Variants in GARNL3 observed in about 807,000 individuals in gnomAD.
GARNL3 encodes the protein GTPase activating Rap/RanGAP domain like 3.
Under a neutral mutation model 125.0 loss-of-function variants are expected in GARNL3, and 63 were observed. The ratio of observed to expected loss-of-function variants is 0.50; its 90% CI spans 0.41 to 0.62. GARNL3 has a LOEUF of 0.62. GARNL3 is among the 20% of genes least tolerant of loss of function. The pLI is 0.00. For synonymous variants in GARNL3, 439 were observed against 457.5 expected, an observed-to-expected ratio of 0.96 and a Z score of 0.52; for missense variants, 994 against 1,244.0, an observed-to-expected ratio of 0.80 and a Z score of 3.02.
At chr9:127,305,368 C>G (rs551748213) in intron 2 of GARNL3, among the ~76,000 whole-genome samples, 1 of 152,066 alleles carries the variant, frequency 6.6e-6, no homozygotes, top group East Asian at 1.9e-4. Context: ...TTTTTTGTTG[C>G]CTAGTCTCCA....
intron 1 of GARNL3, among the ~76,000 whole-genome samples, chr9:127,276,143 T>A (rs1372520002): frequency 6.6e-6 from 1 of 151,498 alleles, no homozygotes; most frequent in Admixed American, 6.6e-5. Context: ...TTTTTTTTTT[T>A]AACATTTTGA....
intron 1 of GARNL3, among the ~76,000 whole-genome samples, chr9:127,226,466 G>A (rs1429247947): frequency 1.3e-5 from 2 of 152,212 alleles, no homozygotes; most frequent in African/African-American, 2.4e-5. Flanking sequence ...ACCCCTGGGT[G>A]CCCAGAGCTG....
intron 22 of GARNL3, among the ~76,000 whole-genome samples, chr9:127,379,852 T>C (rs1832142895): frequency 6.6e-6 from 1 of 152,210 alleles, no homozygotes. Flanking sequence ...TTATTCATTC[T>C]GAATAAAAAT....
chr9:127,322,230 C>A (rs536461147), intron 6 of GARNL3, among the ~76,000 whole-genome samples: 1 of 152,180 alleles, frequency 6.6e-6, no homozygotes, highest in South Asian at 2.1e-4. Context: ...CCTAATCCTT[C>A]TTTAAGCCTT....
chr9:127,388,237 G>A (rs1430437945), intron 25 of GARNL3, among the ~76,000 whole-genome samples: 1 of 151,604 alleles, frequency 6.6e-6, no homozygotes, highest in Non-Finnish European at 1.5e-5. Flanking sequence ...GATCACTTGA[G>A]CCTGGGAGGT....
chr9:127,312,010 A>G (rs1235389256), intron 3 of GARNL3, among the ~76,000 whole-genome samples: 1 of 152,192 alleles, frequency 6.6e-6, no homozygotes, highest in Non-Finnish European at 1.5e-5. Flanking sequence ...GATTTGAGAG[A>G]TAAGACGAAT....
chr9:127,393,327 T>G lies in GARNL3; in HGVS notation c.*73T>G. On this transcript the variant is annotated 3_prime_UTR_variant, in exon 28 of 28. Coordinates refer to ENST00000373387, the MANE Select transcript of GARNL3 (RefSeq NM_032293.5). The stretch of plus-strand genomic sequence containing the variant: ...TACTCTTTAAACAGTTCTGATGTAA[T>G]TTCTCAACAAAATGTGGCTTTTAGC... 4 of 1,403,250 alleles carry G rather than the reference T, an allele frequency of 2.9e-6. No individual in the cohort carries two copies. The highest frequency in any genetic ancestry group is 3.9e-6 in the Non-Finnish European group (4 of 1,019,854). The allele number at this position is 1,403,250 out of a possible 1,614,324, so 86.9% of individuals were successfully genotyped here. A position where few individuals can be genotyped will look rare whatever the true frequency, so the allele number is the denominator to read the frequency against.
rs772763790 is a variant in GARNL3 at position 127,355,275 on chromosome 9, C to T, written c.1760-22C>T. 2.5e-6 allele frequency: 4 copies of T among 1,609,602 alleles called. No homozygotes were observed. The South Asian group carries it at 4.4e-5, about 18-fold the overall frequency. Reference sequence around the variant, plus strand: ...CCACACCCGCATGTCATGTGTAAGGCATCATTTCTTTCTCCTCCCAGGCTG... The same window carrying T: ...CCACACCCGCATGTCATGTGTAAGGTATCATTTCTTTCTCCTCCCAGGCTG... On this transcript the variant is annotated intron_variant, in intron 19 of 27. Coordinates refer to ENST00000373387, the MANE Select transcript of GARNL3 (RefSeq NM_032293.5).
At chr9:127,342,399 A>T (rs2131610943) in intron 14 of GARNL3, 65 bp downstream of exon 14, 1 of 1,063,930 alleles carries the variant, frequency 9.4e-7, no homozygotes. Context: ...CAAGTCCTCA[A>T]CTCAGCGATG....
At chr9:127,297,117 A>G (rs914349519) in intron 2 of GARNL3, among the ~76,000 whole-genome samples, 10 of 152,126 alleles carry the variant, frequency 6.6e-5, no homozygotes, top group Admixed American at 6.5e-4. Context: ...AACATAATTC[A>G]CCTGTCTACT....
chr9:127,236,551 TG>T (rs2063116381), intron 1 of GARNL3, among the ~76,000 whole-genome samples: 1 of 152,234 alleles, frequency 6.6e-6, no homozygotes, highest in African/African-American at 2.4e-5. Context: ...TGGGCTCAAG[TG>T]ATGCTCTCAC....
At position 127,272,637 on chromosome 9, in the gene GARNL3, G is replaced by C. The variant is rs528384446; in HGVS notation, c.144+7616G>C. ...TGGGACTACAGGTGCACACCATCAC[G>C]CCCAGCTAATTTTTGTATTTTTAGT... On this transcript the variant is annotated intron_variant, in intron 1 of 27. Transcript: ENST00000373387. Among the ~76,000 whole-genome samples the C allele has an allele frequency of 1.1e-4, 16 of 151,958 alleles. No homozygotes were observed. In the East Asian group the frequency reaches 2.9e-3, roughly 28 times the overall value.
intron 4 of GARNL3, 57 bp downstream of exon 4, chr9:127,313,616 C>T: frequency 1.8e-6 from 2 of 1,122,338 alleles, no homozygotes; most frequent in Non-Finnish European, 2.7e-6. Flanking sequence ...AGGAGATAAC[C>T]CCTGTGCTGT....
Position 127,339,706 on chromosome 9 carries a change from G to T in GARNL3, c.1090G>T (p.Val364Leu). 6.2e-7 allele frequency: 1 copy of T among 1,613,916 alleles called. No homozygotes were observed. Among genetic ancestry groups the T allele is most frequent in the East Asian group, 2.2e-5 (1 of 44,882 alleles). ...LFGPPLPTPP[V>L]FTDHQEFRDF... ...TGGCCCTCCCTTGCCAACTCCACCAGTGTTTACAGACCACCAGGAATTCAG... is the reference window on the plus strand; with the variant it reads ...TGGCCCTCCCTTGCCAACTCCACCATTGTTTACAGACCACCAGGAATTCAG... Residue 364 changes from valine (V) to leucine (L), a missense_variant, in exon 13 of 28, where the codon GTG (valine) becomes TTG (leucine). Transcript: ENST00000373387.
intron 22 of GARNL3, among the ~76,000 whole-genome samples, chr9:127,374,315 GAAAAA>G (rs1174217456): frequency 7.8e-6 from 1 of 128,200 alleles, no homozygotes; most frequent in Non-Finnish European, 1.7e-5. Flanking sequence ...AAAACAAAAA[GAAAAA>G]AAAAAAGGAA....
chr9:127,304,582 C>T (rs1401441115), intron 2 of GARNL3, among the ~76,000 whole-genome samples: 1 of 124,088 alleles, frequency 8.1e-6, no homozygotes, highest in African/African-American at 2.9e-5. Flanking sequence ...GTCACCCAGG[C>T]TGGAGTGCAG....
At chr9:127,352,584 A>T (rs538088019) in intron 17 of GARNL3, among the ~76,000 whole-genome samples, 1 of 152,224 alleles carries the variant, frequency 6.6e-6, no homozygotes, top group East Asian at 1.9e-4. Context: ...TTGATGAGCT[A>T]TCATAAAATT....
Position 127,353,885 on chromosome 9 carries a change from C to T in GARNL3, c.1583C>T (p.Pro528Leu). ...GTGCCCGTGTTTGACAGAACTCTGCCAGTGAAGCAAATGCATGTGCTTGAG... is the reference window on the plus strand; with the variant it reads ...GTGCCCGTGTTTGACAGAACTCTGCTAGTGAAGCAAATGCATGTGCTTGAG... ...PSVPVFDRTLPVKQMHVLETL... is the reference protein window; with the variant it reads ...PSVPVFDRTLLVKQMHVLETL... Residue 528 changes from proline (P) to leucine (L), a missense_variant, in exon 18 of 28, where the codon CCA becomes CTA. This residue lies in a region of GARNL3 where 728 missense variants were observed against 865.7 expected (regional missense o/e 0.84). Transcript: ENST00000373387. 6.2e-7 allele frequency: 1 copy of T among 1,613,918 alleles called. No homozygotes were observed. Among genetic ancestry groups the T allele is most frequent in the Non-Finnish European group, 8.5e-7 (1 of 1,179,830 alleles).
At chr9:127,379,258 T>C (rs1287236590) in intron 22 of GARNL3, among the ~76,000 whole-genome samples, 2 of 152,234 alleles carry the variant, frequency 1.3e-5, no homozygotes, top group Non-Finnish European at 2.9e-5. Context: ...TCTGGTTGGC[T>C]CCTAGAATAT....
Sources: gnomAD v4.1 joint callset for allele counts (sites outside exome capture counted in the v4.1 genomes callset) on GRCh38, gnomAD v4.1.1 for gene constraint, gnomAD v4.1.1 regional missense constraint, MANE v1.5 for transcripts, NCBI Gene and HGNC (gene_info 2026-07-23, HGNC 2026-07-21) for gene names.